The following SATB1 variants were observed in gnomAD, a reference collection of about 807,000 sequenced individuals.
SATB1 encodes SATB homeobox 1.
SATB1 carries 11 observed loss-of-function variants against 86.9 expected under a neutral mutation model. The observed-to-expected ratio is 0.13, with a 90% CI of 0.08 to 0.21. The LOEUF is 0.21. SATB1 is among the 10% of genes least tolerant of loss of function. The pLI is 1.00. For missense variants in SATB1, 551 were observed against 937.6 expected (o/e 0.59, Z 5.39); for synonymous variants, 357 against 357.2 (o/e 1.00, Z 0.01).
intron 9 of SATB1, among the ~76,000 whole-genome samples, chr3:18,354,469 G>C (rs1201820332): frequency 6.6e-6 from 1 of 152,030 alleles, no homozygotes; most frequent in Non-Finnish European, 1.5e-5. Context: ...GGTTCATAAA[G>C]AACACAGAAG....
At chr3:18,373,250 G>A (rs1233520638) in intron 9 of SATB1, among the ~76,000 whole-genome samples, 1 of 152,130 alleles carries the variant, frequency 6.6e-6, no homozygotes, top group African/African-American at 2.4e-5. Context: ...ATGTAGCACC[G>A]GAAATAACAG....
chr3:18,384,324 C>T lies in SATB1; in HGVS notation c.1419+2075G>A, dbSNP rs530851836. 2.6e-5 allele frequency among the ~76,000 whole-genome samples: 4 copies of T among 152,222 alleles called. No homozygotes were observed. In the South Asian group the frequency reaches 8.3e-4, roughly 32 times the overall value. ...TATCACTTAATAAGAATTGGTATAA[C>T]TTTAGCTCAAGAAAAAGCTTGATGA... On this transcript the variant is annotated intron_variant, in intron 8 of 10. Coordinates refer to ENST00000338745, the MANE Select transcript of SATB1 (RefSeq NM_002971.6).
chr3:18,364,728 T>A (rs1051060133), intron 9 of SATB1, among the ~76,000 whole-genome samples: 3 of 152,026 alleles, frequency 2.0e-5, no homozygotes, highest in African/African-American at 7.3e-5. Context: ...TGTATATATA[T>A]ATACACACAC....
upstream of SATB1, among the ~76,000 whole-genome samples, chr3:18,440,272 TA>T (rs1407410951): frequency 6.6e-6 from 1 of 152,164 alleles, no homozygotes; most frequent in Non-Finnish European, 1.5e-5. Context: ...GTATGCAAAG[TA>T]AAAGTGCATA....
chr3:18,426,955 A>G (rs751334043), upstream of SATB1, among the ~76,000 whole-genome samples: 1 of 152,222 alleles, frequency 6.6e-6, no homozygotes, highest in Non-Finnish European at 1.5e-5. The surrounding 1 kb of genome is among the most constrained non-coding windows in gnomAD (Gnocchi z 4.2). Context: ...TATCACTCTA[A>G]TAGCACCCAC....
At chr3:18,364,606 T>G (rs890283642) in intron 9 of SATB1, among the ~76,000 whole-genome samples, 2 of 152,058 alleles carry the variant, frequency 1.3e-5, no homozygotes, top group African/African-American at 4.8e-5. Flanking sequence ...CATGGTTCCC[T>G]GGGGGAGAAG....
At chr3:18,376,000 T>A (rs1237883130) in intron 9 of SATB1, among the ~76,000 whole-genome samples, 1 of 152,168 alleles carries the variant, frequency 6.6e-6, no homozygotes. Context: ...AAACACACCA[T>A]CACAGAAGAT....
chr3:18,377,785 TAA>T (rs1438501052), intron 9 of SATB1, among the ~76,000 whole-genome samples: 1 of 152,178 alleles, frequency 6.6e-6, no homozygotes, highest in Non-Finnish European at 1.5e-5. Context: ...AGAAACTGTA[TAA>T]AGTTTTGTAG....
intron 8 of SATB1, among the ~76,000 whole-genome samples, chr3:18,380,055 T>C (rs1033046305): frequency 6.6e-6 from 1 of 152,188 alleles, no homozygotes; most frequent in Admixed American, 6.5e-5. Context: ...CAAAGTTGCT[T>C]TGGTGAGATT....
intron 5 of SATB1, among the ~76,000 whole-genome samples, chr3:18,408,398 T>C (rs1697658008): frequency 1.3e-5 from 2 of 152,118 alleles, no homozygotes; most frequent in South Asian, 2.1e-4. Context: ...TTACAATCAT[T>C]ATGAGTTAAA....
chr3:18,444,995 C>A lies in SATB1; in HGVS notation c.-25+523G>T. 6.1e-6 allele frequency: 1 copy of A among 162,644 alleles called. No homozygotes were observed. The highest frequency in any genetic ancestry group is 1.3e-5 in the Non-Finnish European group (1 of 79,332). 10.1% of individuals were successfully genotyped at this position (162,644 alleles called of 1,614,324 possible). On this transcript the variant is annotated intron_variant, in intron 1 of 3. Transcript: ENST00000415069. This position sits in a 1 kb window ranked among gnomAD's most constrained non-coding sequence, Gnocchi z 5.1. ...GCTGCTCTCGTCTCGTCGGTCGCGG[C>A]GCCTGCAGTCTGGAGGCGCACCGGA... is the stretch of plus-strand genomic sequence containing the variant.
intron 9 of SATB1, among the ~76,000 whole-genome samples, chr3:18,362,891 CAAAT>C (rs886107962): frequency 2.2e-5 from 2 of 89,412 alleles, no homozygotes; most frequent in Admixed American, 2.2e-4. Flanking sequence ...ACCAAAACCC[CAAAT>C]AAATATAAGA....
chr3:18,417,002 T>A lies in SATB1; in HGVS notation c.288A>T (p.Ala96=), dbSNP rs1458076875. Residue 96 remains alanine, a synonymous_variant, in exon 3 of 11, where the codon GCA becomes GCT. Coordinates refer to ENST00000338745, the MANE Select transcript of SATB1 (RefSeq NM_002971.6). ...TATCCTTTCTCACCAGCACAAATTCTGCATGCTCCTCCTTGCAATCATATT... is the reference window on the plus strand; with the variant it reads ...TATCCTTTCTCACCAGCACAAATTCAGCATGCTCCTCCTTGCAATCATATT... ...AIEYDCKEEH[A]EFVLVRKDML... The A allele has an allele frequency of 6.2e-7, 1 of 1,613,596 alleles. No homozygotes were observed. Among genetic ancestry groups the A allele is most frequent in the Non-Finnish European group, 8.5e-7 (1 of 1,179,726 alleles).
intron 9 of SATB1, among the ~76,000 whole-genome samples, chr3:18,376,053 G>A (rs1006519505): frequency 3.9e-5 from 6 of 152,130 alleles, no homozygotes; most frequent in African/African-American, 1.2e-4. Context: ...AGAGACCCAT[G>A]AGGAGCTGTG....
Position 18,349,848 on chromosome 3 carries a change from C to G in SATB1, c.1780-166G>C. 1 of 1,220,008 alleles carries G rather than the reference C, an allele frequency of 8.2e-7. No individual in the cohort carries two copies. Among genetic ancestry groups the G allele is most frequent in the East Asian group, 2.6e-5 (1 of 38,760 alleles). 75.6% of individuals were successfully genotyped at this position (1,220,008 alleles called of 1,614,324 possible). A position where few individuals can be genotyped will look rare whatever the true frequency, so the allele number is the denominator to read the frequency against. ...CCGGCGAAATGGCCGACAGCATTTA[C>G]AAAAAAATCAAAATGATATGACTAG... On this transcript the variant is annotated intron_variant, in intron 10 of 10. Coordinates refer to ENST00000338745, the MANE Select transcript of SATB1 (RefSeq NM_002971.6). This position sits in a 1 kb window ranked among gnomAD's most constrained non-coding sequence, Gnocchi z 5.5.
intron 6 of SATB1, 140 bp from the exon 7 acceptor site, chr3:18,395,056 C>T (rs1696896020): frequency 1.5e-6 from 1 of 656,468 alleles, no homozygotes; most frequent in African/African-American, 1.8e-5. Flanking sequence ...TTTCAAGTTG[C>T]AACTTACCAG....
intron 10 of SATB1, chr3:18,351,460 G>T: frequency 7.3e-7 from 1 of 1,369,118 alleles, no homozygotes; most frequent in Non-Finnish European, 1.0e-6. Context: ...ATTCTGTAAA[G>T]TGTGGGGAGA....
rs1313100778 is a variant in SATB1, at chr3:18,415,940, G to C, written c.515+67C>G. ...AAAAAAATTGAAGGTCGACCAGAGA[G>C]AAATGCTTCATTTCAAAAGACCAGG... On this transcript the variant is annotated intron_variant, in intron 4 of 10. Transcript: ENST00000338745. 6.3e-6 allele frequency: 9 copies of C among 1,436,102 alleles called. No homozygotes were observed. In the South Asian group the frequency reaches 1.2e-4, roughly 19 times the overall value. The allele number at this position is 1,436,102 out of a possible 1,614,324, so 89.0% of individuals were successfully genotyped here. A position where few individuals can be genotyped will look rare whatever the true frequency, so the allele number is the denominator to read the frequency against.
At chr3:18,400,076 T>C (rs1697174547) in intron 5 of SATB1, among the ~76,000 whole-genome samples, 1 of 152,148 alleles carries the variant, frequency 6.6e-6, no homozygotes, top group East Asian at 1.9e-4. Context: ...AGTAGTGTAA[T>C]CTTAAATTTA....
Sources: gnomAD v4.1 joint callset for allele counts (sites outside exome capture counted in the v4.1 genomes callset) on GRCh38, gnomAD v4.1.1 for gene constraint, Gnocchi (gnomAD v3.1) non-coding constraint, MANE v1.5 for transcripts, NCBI Gene and HGNC (gene_info 2026-07-23, HGNC 2026-07-21) for gene names.